TEAD1: variants seen among roughly 807,000 people sequenced by gnomAD.
TEAD1 encodes the protein TEA domain transcription factor 1, also known as transcriptional enhancer factor TEF-1.
TEAD1 carries 9 observed loss-of-function variants against 54.9 expected under a neutral mutation model. That is an observed-to-expected ratio of 0.16 (90% CI 0.10 to 0.29). The LOEUF is 0.29. Ranked by LOEUF, TEAD1 falls within the 10% of genes least tolerant of loss-of-function variation. The pLI is 1.00. For missense variants in TEAD1, 387 were observed against 535.9 expected (o/e 0.72, Z 2.74); for synonymous variants, 200 against 187.8 (o/e 1.07, Z -0.53).
At chr11:12,840,604 C>A (rs1395704659) in intron 3 of TEAD1, among the ~76,000 whole-genome samples, 1 of 152,170 alleles carries the variant, frequency 6.6e-6, no homozygotes, top group Non-Finnish European at 1.5e-5. Flanking sequence ...GCTGTGTGCT[C>A]TTCCTGCAGT....
chr11:12,744,438 A>T (rs867322976), intron 2 of TEAD1, among the ~76,000 whole-genome samples: 1 of 152,230 alleles, frequency 6.6e-6, no homozygotes, highest in Non-Finnish European at 1.5e-5. Context: ...CTTAAAAATC[A>T]CAGACACAGA....
chr11:12,790,385 A>G (rs1945773401), intron 3 of TEAD1, among the ~76,000 whole-genome samples: 1 of 152,192 alleles, frequency 6.6e-6, no homozygotes, highest in Admixed American at 6.5e-5. Context: ...TGAACTTTTC[A>G]AGGGTGATTA....
At chr11:12,767,181 C>T (rs914228064) in intron 3 of TEAD1, among the ~76,000 whole-genome samples, 1 of 152,162 alleles carries the variant, frequency 6.6e-6, no homozygotes, top group Non-Finnish European at 1.5e-5. Flanking sequence ...GCCCCAGCCA[C>T]TCGAGAACTG....
At chr11:12,880,387 A>C (rs918241297) in intron 6 of TEAD1, among the ~76,000 whole-genome samples, 2 of 152,254 alleles carry the variant, frequency 1.3e-5, no homozygotes, top group African/African-American at 2.4e-5. Context: ...GAGGTTATTC[A>C]GTAGCAAAAC....
chr11:12,797,037 C>T (rs992844216), intron 3 of TEAD1, among the ~76,000 whole-genome samples: 5 of 152,026 alleles, frequency 3.3e-5, no homozygotes, highest in South Asian at 4.1e-4. Flanking sequence ...GGCGTGAACC[C>T]GGGAGGCGGA....
intron 2 of TEAD1, among the ~76,000 whole-genome samples, chr11:12,749,983 T>C (rs1382656677): frequency 1.3e-5 from 2 of 152,158 alleles, no homozygotes; most frequent in Non-Finnish European, 2.9e-5. Flanking sequence ...GAGAGACCTG[T>C]TTTGCATCTG....
At chr11:12,869,685 T>A (rs1306458037) in intron 5 of TEAD1, among the ~76,000 whole-genome samples, 1 of 152,206 alleles carries the variant, frequency 6.6e-6, no homozygotes, top group Non-Finnish European at 1.5e-5. Context: ...AAGTTTTTTT[T>A]AATGAAAAAT....
At chr11:12,679,174 C>T (rs1943163502) in intron 2 of TEAD1, among the ~76,000 whole-genome samples, 1 of 152,108 alleles carries the variant, frequency 6.6e-6, no homozygotes, top group Non-Finnish European at 1.5e-5. Context: ...TCGTAAAAAC[C>T]TATCTTTTTT....
At position 12,941,261 on chromosome 11, in the gene TEAD1, A is replaced by G. The variant is rs960091534; in HGVS notation, c.*4039A>G. 6.6e-6 allele frequency: 1 copy of G among 152,228 alleles called. No homozygotes were observed. Among genetic ancestry groups the G allele is most frequent in the East Asian group, 1.9e-4 (1 of 5,198 alleles). The allele number at this position is 152,228 out of a possible 1,614,324, so 9.4% of individuals were successfully genotyped here. ...ATTGCTATCTGAGGCATCCACAAGC[A>G]GGTAGGAAAGCTGGCGAGCCATTTT... is the stretch of plus-strand genomic sequence containing the variant. On this transcript the variant is annotated 3_prime_UTR_variant, in exon 13 of 13. Transcript: ENST00000527636.
intron 3 of TEAD1, among the ~76,000 whole-genome samples, chr11:12,858,154 C>T (rs986734903): frequency 6.6e-6 from 1 of 152,230 alleles, no homozygotes; most frequent in African/African-American, 2.4e-5. Context: ...GTATCAGGGC[C>T]GCTGACAAGA....
In TEAD1 at chr11:12,943,851, A is replaced by G. The variant is rs1949182790; in HGVS notation, c.*6629A>G. ...AATACATCTCCCTATTACCTCCTTG[A>G]AAGATTTACTTCTGTAGGCCTTTTT... On this transcript the variant is annotated 3_prime_UTR_variant, in exon 13 of 13. Coordinates refer to ENST00000527636, the MANE Select transcript of TEAD1 (RefSeq NM_021961.6). 6 of 152,350 alleles carry G rather than the reference A, an allele frequency of 3.9e-5. No individual in the cohort carries two copies. The highest frequency in any genetic ancestry group is 3.9e-4 in the Admixed American group (6 of 15,280). The allele number at this position is 152,350 out of a possible 1,614,324, so 9.4% of individuals were successfully genotyped here.
intron 3 of TEAD1, among the ~76,000 whole-genome samples, chr11:12,817,590 C>T (rs567585340): frequency 2.8e-4 from 42 of 152,156 alleles, no homozygotes; most frequent in African/African-American, 9.9e-4. Context: ...GATCTTGATG[C>T]CCCCCAAATG....
chr11:12,919,090 A>G (rs879755294), intron 10 of TEAD1, among the ~76,000 whole-genome samples: 9 of 152,288 alleles, frequency 5.9e-5, no homozygotes, highest in Non-Finnish European at 1.3e-4. Context: ...CAGTTTGTGT[A>G]CTTTTCTGAA....
chr11:12,864,788 C>G (rs778390505), intron 4 of TEAD1, 50 bp from the exon 5 acceptor site: 3 of 1,613,726 alleles, frequency 1.9e-6, no homozygotes, highest in Non-Finnish European at 2.5e-6. Context: ...CTTTTCATCT[C>G]CATGGTTACA....
chr11:12,881,136 C>T, intron 7 of TEAD1, 85 bp downstream of exon 7: 2 of 1,469,466 alleles, frequency 1.4e-6, no homozygotes, highest in South Asian at 1.1e-5. Flanking sequence ...CATAGTGTCT[C>T]AGGGCCTGGA....
At chr11:12,809,271 T>G (rs1345003647) in intron 3 of TEAD1, among the ~76,000 whole-genome samples, 1 of 152,144 alleles carries the variant, frequency 6.6e-6, no homozygotes, top group Non-Finnish European at 1.5e-5. Flanking sequence ...AGGTTCCTGG[T>G]TCTTGTTCCT....
At chr11:12,837,156 TA>T (rs1207663519) in intron 3 of TEAD1, among the ~76,000 whole-genome samples, 1 of 152,232 alleles carries the variant, frequency 6.6e-6, no homozygotes, top group Non-Finnish European at 1.5e-5. Context: ...CAAGCATATT[TA>T]AAAATCTGTT....
intron 2 of TEAD1, among the ~76,000 whole-genome samples, chr11:12,679,544 C>A (rs1034353571): frequency 1.3e-5 from 2 of 152,114 alleles, no homozygotes; most frequent in Non-Finnish European, 2.9e-5. Context: ...GATACATAAA[C>A]TGAAAAACTG....
At chr11:12,924,472 C>T (rs1402474018) in intron 10 of TEAD1, among the ~76,000 whole-genome samples, 1 of 152,152 alleles carries the variant, frequency 6.6e-6, no homozygotes, top group Non-Finnish European at 1.5e-5. Context: ...CATTTCCCCT[C>T]CAGATATTCT....
Sources: gnomAD v4.1 joint callset for allele counts (sites outside exome capture counted in the v4.1 genomes callset) on GRCh38, gnomAD v4.1.1 for gene constraint, MANE v1.5 for transcripts, NCBI Gene and HGNC (gene_info 2026-07-23, HGNC 2026-07-21) for gene names.